DIP2B: variants seen among roughly 807,000 people sequenced by gnomAD.
The protein encoded by DIP2B is disco-interacting protein 2 homolog B.
DIP2B carries 76 observed loss-of-function variants against 198.0 expected under a neutral mutation model. That is an observed-to-expected ratio of 0.38 (90% confidence interval 0.32 to 0.46). The LOEUF (loss-of-function observed/expected upper bound fraction) is 0.46. Among genes scored for constraint, DIP2B ranks in the 20% least tolerant of loss-of-function variants. The pLI, the probability that DIP2B is intolerant of heterozygous loss-of-function variation, is 0.99. For missense variants in DIP2B, 1,559 were observed against 1,978.4 expected (o/e 0.79, Z 4.02); for synonymous variants, 701 against 739.1 (o/e 0.95, Z 0.84).
Position 50,714,462 on chromosome 12 carries a change from A to T in DIP2B, c.2717A>T (p.Lys906Ile), listed in dbSNP as rs1939676685. 4 of 1,614,112 alleles carry T rather than the reference A, an allele frequency of 2.5e-6. No homozygotes were observed. Among genetic ancestry groups the T allele is most frequent in the Non-Finnish European group, 3.4e-6 (4 of 1,180,048 alleles). ...LALVPANTLPKTPLGGIHISQ... is the reference protein window; with the variant it reads ...LALVPANTLPITPLGGIHISQ... ...CTGGTGCCAGCCAATACATTGCCAA[A>T]AACTCCACTAGGAGGAATCCATATA... The change falls in exon 23 of 38, where the codon AAA (lysine) becomes ATA (isoleucine). Residue 906 changes from lysine to isoleucine, a missense_variant. Physicochemically the swap from Lys to Ile is moderately radical, Grantham distance 102. Coordinates refer to ENST00000301180, the MANE Select transcript of DIP2B (RefSeq NM_173602.3).
chr12:50,511,008 T>C (rs1408824343), intron 1 of DIP2B, among the ~76,000 whole-genome samples: 4 of 144,642 alleles, frequency 2.8e-5, no homozygotes, highest in Non-Finnish European at 4.5e-5. Flanking sequence ...TGCACTGGCA[T>C]GATCTCGGCT....
intron 1 of DIP2B, among the ~76,000 whole-genome samples, chr12:50,568,722 G>C (rs1191368108): frequency 6.6e-6 from 1 of 152,154 alleles, no homozygotes; most frequent in African/African-American, 2.4e-5. Context: ...ATTTAGTTGA[G>C]AGTGTTGTAA....
chr12:50,672,464 T>A (rs1282721740), intron 5 of DIP2B, among the ~76,000 whole-genome samples: 1 of 152,198 alleles, frequency 6.6e-6, no homozygotes, highest in African/African-American at 2.4e-5. Context: ...TATTTCCACA[T>A]CTGTCTAAAA....
At position 50,695,833 on chromosome 12, in the gene DIP2B, T is replaced by C. The variant is rs2684891; in HGVS notation, c.1814-15T>C. On this transcript the variant is annotated splice_polypyrimidine_tract_variant and intron_variant, in intron 15 of 37. Transcript: ENST00000301180. Reference sequence around the variant, plus strand: ...TTTATTGTGTATGTTAACTTCATCCTTTTTGAATTTATAGCCAAGGTAGCT... The same window carrying C: ...TTTATTGTGTATGTTAACTTCATCCCTTTTGAATTTATAGCCAAGGTAGCT... 0.94 allele frequency: 1,522,403 copies of C among 1,613,732 alleles called. 723,805 individuals are homozygous for C. The highest frequency in any genetic ancestry group is 0.98 in the Non-Finnish European group (1,158,521 of 1,179,808).
chr12:50,720,082 C>T (rs1396667303), intron 25 of DIP2B, among the ~76,000 whole-genome samples: 1 of 151,358 alleles, frequency 6.6e-6, no homozygotes, highest in Non-Finnish European at 1.5e-5. Context: ...AGGTGCCCAC[C>T]ACCAGGCCCA....
chr12:50,540,053 GTTTTTTTTTTTTT>G lies in DIP2B; in HGVS notation c.100+34830_100+34842del, dbSNP rs60978324. On this transcript the variant is annotated intron_variant, in intron 1 of 37. Coordinates refer to ENST00000301180, the MANE Select transcript of DIP2B (RefSeq NM_173602.3). ...TGGCAGGTAGTTTAGTTGTTTCTGT[GTTTTTTTTTTTTT>G]TTTTTTTTTTTTTTTTGCTATTGCA... Among the ~76,000 whole-genome samples, 359 of 44,188 alleles carry G rather than the reference GTTTTTTTTTTTTT, an allele frequency of 8.1e-3. 1 individual carries two copies. The highest frequency in any genetic ancestry group is 0.011 in the Non-Finnish European group (292 of 25,672). The allele number at this position is 44,188 out of a possible 152,430, so 29.0% of individuals were successfully genotyped here.
At position 50,718,709 on chromosome 12, in the gene DIP2B, G is replaced by A. The variant is rs779935315; in HGVS notation, c.2852G>A (p.Gly951Asp). The change falls in exon 24 of 38, where the codon GGT becomes GAT. Residue 951 changes from glycine to aspartate, a missense_variant and splice_region_variant. Physicochemically the swap from Gly to Asp is moderately conservative, Grantham distance 94. Transcript: ENST00000301180. ...AGTTGGGTTTTGCATTTATTTACAG[G>A]TGTAGGCCCTGCTTCCGTGATGGTT... ...NLPKPRQKQP[G>D]VGPASVMVGN... 4.3e-6 allele frequency: 7 copies of A among 1,613,816 alleles called. No individual in the cohort carries two copies. Among genetic ancestry groups the A allele is most frequent in the Non-Finnish European group, 5.9e-6 (7 of 1,179,872 alleles).
Position 50,735,064 on chromosome 12 carries a change from C to T in DIP2B, c.4044-9C>T, listed in dbSNP as rs751422220. On this transcript the variant is annotated splice_polypyrimidine_tract_variant and intron_variant, in intron 33 of 37. Transcript: ENST00000301180. ...AGCCCTATATATAGTAAATACCGTT[C>T]TTCTGCAGGGTTCGTCTCGTGGAAC... 1.4e-5 allele frequency: 22 copies of T among 1,614,114 alleles called. No homozygotes were observed. Among genetic ancestry groups the T allele is most frequent in the Non-Finnish European group, 1.8e-5 (21 of 1,180,000 alleles).
rs376491208 is a variant in DIP2B at position 50,628,197 on chromosome 12, C to A, written c.172+2150C>A. On this transcript the variant is annotated intron_variant, in intron 2 of 37. Coordinates refer to ENST00000301180, the MANE Select transcript of DIP2B (RefSeq NM_173602.3). The stretch of plus-strand genomic sequence containing the variant: ...ACCAGCCTGGCCAACATGGCGAAAC[C>A]CCATCTCTACTAAAAATACAAGAAT... 7.9e-5 allele frequency among the ~76,000 whole-genome samples: 12 copies of A among 152,112 alleles called. No homozygotes were observed. In the East Asian group the frequency reaches 2.3e-3, roughly 29 times the overall value.
intron 2 of DIP2B, among the ~76,000 whole-genome samples, chr12:50,640,047 T>G (rs1938226898): frequency 1.3e-5 from 2 of 152,174 alleles, no homozygotes. Context: ...TTAATACTAC[T>G]GTATTTTACA....
rs545738710 is a variant in DIP2B at position 50,609,469 on chromosome 12, C to T, written c.101-16507C>T. On this transcript the variant is annotated intron_variant, in intron 1 of 37. Transcript: ENST00000301180. ...TCATGAGGGTATTGGGCAACAGGCC[C>T]TTCTACCCTGTTCCTTCATCATCTA... Among the ~76,000 whole-genome samples, 7 of 152,372 alleles carry T rather than the reference C, an allele frequency of 4.6e-5. No homozygotes were observed. The East Asian group carries it at 1.3e-3, about 29-fold the overall frequency.
intron 1 of DIP2B, among the ~76,000 whole-genome samples, chr12:50,540,578 T>G (rs1177989737): frequency 6.9e-6 from 1 of 145,678 alleles, no homozygotes; most frequent in Non-Finnish European, 1.5e-5. Flanking sequence ...AGATGGAGTC[T>G]CGCTCTGTCA....
At chr12:50,542,678 C>T (rs1198075018) in intron 1 of DIP2B, among the ~76,000 whole-genome samples, 3 of 152,174 alleles carry the variant, frequency 2.0e-5, no homozygotes, top group Admixed American at 6.5e-5. Flanking sequence ...TTTAGTATGT[C>T]ATATGTGTGT....
chr12:50,622,885 T>A (rs1365328007), intron 1 of DIP2B, among the ~76,000 whole-genome samples: 3 of 152,062 alleles, frequency 2.0e-5, no homozygotes, highest in Admixed American at 6.6e-5. Context: ...GTGCTGGGAT[T>A]ACAGGCGTGA....
intron 1 of DIP2B, among the ~76,000 whole-genome samples, chr12:50,541,189 A>T (rs1958322161): frequency 6.6e-6 from 1 of 152,188 alleles, no homozygotes; most frequent in Non-Finnish European, 1.5e-5. Flanking sequence ...ATGATTTTGT[A>T]GAATCATTGA....
At chr12:50,683,954 G>T (rs565644939) in intron 10 of DIP2B, among the ~76,000 whole-genome samples, 87 of 151,902 alleles carry the variant, frequency 5.7e-4, no homozygotes, top group Middle Eastern at 3.4e-3. Flanking sequence ...TCTATAAATA[G>T]TAAAAAAAAC....
chr12:50,658,961 C>A (rs1234810532), intron 3 of DIP2B, among the ~76,000 whole-genome samples: 1 of 152,140 alleles, frequency 6.6e-6, no homozygotes, highest in African/African-American at 2.4e-5. Context: ...GTGGCGTGTA[C>A]CTGTAGTCCC....
Position 50,521,449 on chromosome 12 carries a change from A to G in DIP2B, c.100+16209A>G, listed in dbSNP as rs145634922. On this transcript the variant is annotated intron_variant, in intron 1 of 37. Coordinates refer to ENST00000301180, the MANE Select transcript of DIP2B (RefSeq NM_173602.3). Reference sequence around the variant, plus strand: ...TAATTTGCCACTGTTTGTTTCATTTATGTTATTTTTACCTTCTCAGTTAGA... The same window carrying G: ...TAATTTGCCACTGTTTGTTTCATTTGTGTTATTTTTACCTTCTCAGTTAGA... Among the ~76,000 whole-genome samples, 429 of 125,682 alleles carry G rather than the reference A, an allele frequency of 3.4e-3. 6 individuals are homozygous for G. Among genetic ancestry groups the G allele is most frequent in the African/African-American group, 0.012 (407 of 33,962 alleles). 82.5% of individuals were successfully genotyped at this position (125,682 alleles called of 152,430 possible).
chr12:50,700,084 A>G (rs1442652781), intron 19 of DIP2B, among the ~76,000 whole-genome samples: 1 of 152,144 alleles, frequency 6.6e-6, no homozygotes, highest in Non-Finnish European at 1.5e-5. Flanking sequence ...AGTCAGACAA[A>G]TATTTTTTGA....
Sources: gnomAD v4.1 joint callset for allele counts (sites outside exome capture counted in the v4.1 genomes callset) on GRCh38, gnomAD v4.1.1 for gene constraint, MANE v1.5 for transcripts, NCBI Gene and HGNC (gene_info 2026-07-23, HGNC 2026-07-21) for gene names.